UBTD2: variants seen among roughly 807,000 people sequenced by gnomAD.
UBTD2 encodes the protein ubiquitin domain-containing protein 2.
A neutral mutation model predicts 19.8 loss-of-function variants in UBTD2; 9 were observed. The ratio of observed to expected loss-of-function variants is 0.46; its 90% confidence interval spans 0.27 to 0.79. UBTD2 has a LOEUF of 0.79. Ranked by LOEUF, UBTD2 falls within the 30% of genes least tolerant of loss-of-function variation. UBTD2 has a pLI of 0.14. For synonymous variants in UBTD2, 98 were observed against 103.9 expected, an observed-to-expected ratio of 0.94 and a Z score of 0.35; for missense variants, 250 against 300.4, an observed-to-expected ratio of 0.83 and a Z score of 1.24.
intron 1 of UBTD2, among the ~76,000 whole-genome samples, chr5:172,273,362 G>A (rs1379226746): frequency 2.0e-5 from 3 of 152,080 alleles, no homozygotes; most frequent in Non-Finnish European, 2.9e-5. Context: ...AAGCCAAGGC[G>A]GGTGGATCAC....
At chr5:172,216,137 A>C (rs1277712954) in intron 2 of UBTD2, among the ~76,000 whole-genome samples, 1 of 152,106 alleles carries the variant, frequency 6.6e-6, no homozygotes, top group African/African-American at 2.4e-5. Context: ...ACTGCACTCC[A>C]GCCTGGCAAC....
chr5:172,274,701 A>G (rs1034384222), intron 1 of UBTD2, among the ~76,000 whole-genome samples: 5 of 152,286 alleles, frequency 3.3e-5, no homozygotes, highest in Non-Finnish European at 7.4e-5. Flanking sequence ...CTACAGCTAG[A>G]ATTTTTGCAA....
chr5:172,231,141 C>T (rs1487478018), intron 2 of UBTD2, among the ~76,000 whole-genome samples: 2 of 152,142 alleles, frequency 1.3e-5, no homozygotes, highest in African/African-American at 2.4e-5. Flanking sequence ...TTCGGCAATA[C>T]CACTAAGCCA....
At chr5:172,255,360 G>A (rs1003428328) in intron 1 of UBTD2, 4 of 465,468 alleles carry the variant, frequency 8.6e-6, no homozygotes, top group Non-Finnish European at 1.7e-5. Flanking sequence ...TGGATTCCAT[G>A]TAATTAGATG....
rs535340643 is a variant in UBTD2 at position 172,219,746 on chromosome 5, C to CA, written c.308-7520dup. 5.5e-3 allele frequency among the ~76,000 whole-genome samples: 835 copies of CA among 152,300 alleles called. 4 individuals carry two copies. The highest frequency in any genetic ancestry group is 8.7e-3 in the Non-Finnish European group (593 of 68,020). ...AAGTTGTAAAGAAGGAAAAAAAACTCATGCTAGTTTTGCCGTGGCACTTCA... is the reference window on the plus strand; with the variant it reads ...AAGTTGTAAAGAAGGAAAAAAAACTCAATGCTAGTTTTGCCGTGGCACTTCA... On this transcript the variant is annotated intron_variant, in intron 2 of 2. Transcript: ENST00000393792.
intron 2 of UBTD2, among the ~76,000 whole-genome samples, chr5:172,213,683 A>G (rs1159048637): frequency 6.6e-6 from 1 of 152,240 alleles, no homozygotes; most frequent in Non-Finnish European, 1.5e-5. Flanking sequence ...CCTGGGCTCA[A>G]GCAATCCTCC....
intron 1 of UBTD2, among the ~76,000 whole-genome samples, chr5:172,269,678 C>A (rs1320530740): frequency 6.7e-6 from 1 of 149,290 alleles, no homozygotes; most frequent in African/African-American, 2.5e-5. Flanking sequence ...TTTCCATATG[C>A]CAGAAAATTG....
At chr5:172,232,066 T>A (rs1245165131) in intron 2 of UBTD2, among the ~76,000 whole-genome samples, 2 of 151,678 alleles carry the variant, frequency 1.3e-5, no homozygotes, top group Non-Finnish European at 2.9e-5. Flanking sequence ...AGGCCAGGAG[T>A]TCGAGACCAG....
chr5:172,215,260 G>A (rs992118248), intron 2 of UBTD2, among the ~76,000 whole-genome samples: 3 of 152,082 alleles, frequency 2.0e-5, no homozygotes, highest in Admixed American at 2.0e-4. Context: ...GTTGGAGGAG[G>A]GTGCAAAAGG....
chr5:172,217,138 G>A (rs372150012), intron 2 of UBTD2, among the ~76,000 whole-genome samples: 2 of 151,960 alleles, frequency 1.3e-5, no homozygotes, highest in East Asian at 1.9e-4. Context: ...GAGGCAGGGC[G>A]TGGTGGCTTA....
At chr5:172,232,995 G>A (rs1224571664) in intron 2 of UBTD2, among the ~76,000 whole-genome samples, 3 of 152,068 alleles carry the variant, frequency 2.0e-5, no homozygotes, top group African/African-American at 7.2e-5. Context: ...ACAAAAATTA[G>A]CCAGGCATGG....
At chr5:172,221,406 GAGGA>G (rs531694056) in intron 2 of UBTD2, among the ~76,000 whole-genome samples, 267 of 152,244 alleles carry the variant, frequency 1.8e-3, no homozygotes, top group Non-Finnish European at 3.0e-3. Context: ...TTGGAAGACT[GAGGA>G]AGGACTGCTT....
chr5:172,230,120 T>G (rs904176870), intron 2 of UBTD2, among the ~76,000 whole-genome samples: 1 of 152,224 alleles, frequency 6.6e-6, no homozygotes, highest in African/African-American at 2.4e-5. Flanking sequence ...CATACCATTC[T>G]CAATATGAGT....
chr5:172,217,908 C>T (rs1248368498), intron 2 of UBTD2, among the ~76,000 whole-genome samples: 5 of 152,084 alleles, frequency 3.3e-5, no homozygotes, highest in African/African-American at 1.2e-4. Flanking sequence ...CCTTCAACAC[C>T]CCTCAATCAG....
chr5:172,280,163 A>C (rs975056017), intron 1 of UBTD2, among the ~76,000 whole-genome samples: 1 of 151,980 alleles, frequency 6.6e-6, no homozygotes, highest in African/African-American at 2.4e-5. Flanking sequence ...GAACTGTTAA[A>C]TAATCTTACA....
At chr5:172,256,520 C>A (rs1168478055) in intron 1 of UBTD2, among the ~76,000 whole-genome samples, 1 of 139,780 alleles carries the variant, frequency 7.2e-6, no homozygotes, top group Non-Finnish European at 1.5e-5. Context: ...GTGCATGCCA[C>A]CATGCCCAGC....
intron 1 of UBTD2, among the ~76,000 whole-genome samples, chr5:172,271,363 A>T (rs190248515): frequency 1.3e-4 from 19 of 150,478 alleles, no homozygotes; most frequent in African/African-American, 4.4e-4. Context: ...CAGGAGGCAG[A>T]TCTTGCCGTG....
At chr5:172,265,632 G>A (rs1307939062) in intron 1 of UBTD2, among the ~76,000 whole-genome samples, 1 of 151,894 alleles carries the variant, frequency 6.6e-6, no homozygotes, top group East Asian at 1.9e-4. Context: ...CCTGGCCACT[G>A]AGTAGTAAAC....
chr5:172,249,849 T>A (rs1039996303), intron 1 of UBTD2, among the ~76,000 whole-genome samples: 1 of 152,198 alleles, frequency 6.6e-6, no homozygotes, highest in Non-Finnish European at 1.5e-5. Flanking sequence ...CAGAAAAACA[T>A]CAGACAAAAT....
Sources: allele counts gnomAD v4.1 joint callset (sites outside exome capture counted in the v4.1 genomes callset), GRCh38; gene constraint gnomAD v4.1.1; transcripts MANE v1.5; gene names NCBI Gene and HGNC (gene_info 2026-07-23, HGNC 2026-07-21).